The following THUMPD1 variants were observed in gnomAD, a reference collection of about 807,000 sequenced individuals.
THUMPD1 encodes THUMP domain 1 NAT10 acetyltransferase adaptor.
A neutral mutation model predicts 31.6 loss-of-function variants in THUMPD1; 31 were observed. The ratio of observed to expected loss-of-function variants is 0.98; its 90% CI spans 0.74 to 1.32. THUMPD1 has a LOEUF of 1.32. THUMPD1 is among the 40% of genes most tolerant of loss of function. THUMPD1 has a pLI of 0.00. For missense variants in THUMPD1, 446 were observed against 427.8 expected, an observed-to-expected ratio of 1.04 and a Z score of -0.38; for synonymous variants, 166 against 158.2, an observed-to-expected ratio of 1.05 and a Z score of -0.37.
chr16:20,736,710 T>C lies in THUMPD1; in HGVS notation c.*170A>G, dbSNP rs1185985955. Reference sequence around the variant, plus strand: ...ACGTAATACCATAAAGGCTGAAAGATCCCTAAAAAAACTGTTAACAGGGCT... The same window carrying C: ...ACGTAATACCATAAAGGCTGAAAGACCCCTAAAAAAACTGTTAACAGGGCT... On this transcript the variant is annotated 3_prime_UTR_variant, in exon 4 of 4. Transcript: ENST00000396083. 4.5e-6 allele frequency: 3 copies of C among 662,248 alleles called. No homozygotes were observed. The highest frequency in any genetic ancestry group is 5.9e-5 in the Admixed American group (2 of 33,878). The allele number at this position is 662,248 out of a possible 1,614,324, so 41.0% of individuals were successfully genotyped here. A position where few individuals can be genotyped will look rare whatever the true frequency, so the allele number is the denominator to read the frequency against.
rs375614636 is a variant in THUMPD1, at chr16:20,736,944, G to T, written c.998C>A (p.Ala333Asp). The T allele has an allele frequency of 1.9e-6, 3 of 1,613,932 alleles. No homozygotes were observed. The African/African-American group carries it at 4.0e-5, about 22-fold the overall frequency. Residue 333 changes from alanine (A) to aspartate (D), a missense_variant, in exon 4 of 4, where the codon GCC becomes GAC. Physicochemically the swap from Ala to Asp is moderately radical, Grantham distance 126 (BLOSUM62 -2). Coordinates refer to ENST00000396083, the MANE Select transcript of THUMPD1 (RefSeq NM_017736.5). ...GGCTTGACTTGCAAGTTCAGGTTTG[G>T]CTCCTCCCTCATTTACCACCTGTGG... ...SNPQVVNEGG[A>D]KPELASQATE...
rs573256645 is a variant in THUMPD1 at position 20,733,683 on chromosome 16, TTTTGA to T, written c.*3192_*3196del. 2.9e-3 allele frequency: 434 copies of T among 152,160 alleles called. No individual in the cohort carries two copies. Among genetic ancestry groups the T allele is most frequent in the African/African-American group, 9.8e-3 (409 of 41,552 alleles). 9.4% of individuals were successfully genotyped at this position (152,160 alleles called of 1,614,324 possible). ...CACCAATTTTTAGGGAACAAATTTA[TTTTGA>T]TTTTTCTGAAAATATCAGGAACTAT... On this transcript the variant is annotated 3_prime_UTR_variant, in exon 4 of 4. Transcript: ENST00000396083.
At position 20,734,837 on chromosome 16, in the gene THUMPD1, C is replaced by CA. The variant is rs1194379291; in HGVS notation, c.*2042dup. On this transcript the variant is annotated 3_prime_UTR_variant, in exon 4 of 4. Coordinates refer to ENST00000396083, the MANE Select transcript of THUMPD1 (RefSeq NM_017736.5). ...TTATTTCACAGAAATCTAGGACTGT[C>CA]AGACTAGGGCTGAGTTCATTCTCTT... 8 of 152,222 alleles carry CA rather than the reference C, an allele frequency of 5.3e-5. No homozygotes were observed. The highest frequency in any genetic ancestry group is 1.7e-4 in the African/African-American group (7 of 41,446). 9.4% of individuals were successfully genotyped at this position (152,222 alleles called of 1,614,324 possible).
At position 20,736,773 on chromosome 16, in the gene THUMPD1, G is replaced by T. The variant is rs2079873219; in HGVS notation, c.*107C>A. The T allele has an allele frequency of 9.1e-7, 1 of 1,102,780 alleles. No individual in the cohort carries two copies. Among genetic ancestry groups the T allele is most frequent in the Non-Finnish European group, 1.3e-6 (1 of 767,254 alleles). 68.3% of individuals were successfully genotyped at this position (1,102,780 alleles called of 1,614,324 possible). The stretch of plus-strand genomic sequence containing the variant: ...CTCACTACTGTGAGAACAGCATAAT[G>T]CAGCACACAAATAAAAAACTGTTTT... On this transcript the variant is annotated 3_prime_UTR_variant, in exon 4 of 4. Coordinates refer to ENST00000396083, the MANE Select transcript of THUMPD1 (RefSeq NM_017736.5).
chr16:20,738,703 A>C (rs552914613), intron 2 of THUMPD1, 194 bp downstream of exon 2: 1 of 602,710 alleles, frequency 1.7e-6, no homozygotes, highest in East Asian at 2.8e-5. Flanking sequence ...CCAGGTTTCC[A>C]CTCATAAGCC....
At position 20,735,675 on chromosome 16, in the gene THUMPD1, GAA is replaced by G. The variant is rs1042235356; in HGVS notation, c.*1203_*1204del. The G allele has an allele frequency of 6.6e-6, 1 of 151,984 alleles. No individual in the cohort carries two copies. The highest frequency in any genetic ancestry group is 1.5e-5 in the Non-Finnish European group (1 of 68,008). 9.4% of individuals were successfully genotyped at this position (151,984 alleles called of 1,614,324 possible). On this transcript the variant is annotated 3_prime_UTR_variant, in exon 4 of 4. Transcript: ENST00000396083. The stretch of plus-strand genomic sequence containing the variant: ...TTGTTCTGGCAGGCTCCTAGCAATA[GAA>G]AAAGTTTTCTTTGAATTTCATCATT...
chr16:20,737,827 T>C lies in THUMPD1; in HGVS notation c.536A>G (p.Tyr179Cys), dbSNP rs1243741884. 1.9e-6 allele frequency: 3 copies of C among 1,613,984 alleles called. No homozygotes were observed. The South Asian group carries it at 3.3e-5, about 18-fold the overall frequency. ...CKAFLEDMKK[Y>C]AETFLEPWFK... is the part of the protein sequence containing the mutation. ...CCAGGGTTCCAAAAATGTTTCTGCA[T>C]ATTTTTTCATATCTTCTAAAAAAGC... The change falls in exon 3 of 4, where the codon TAT becomes TGT. Residue 179 changes from tyrosine to cysteine, a missense_variant. Tyr to Cys is a radical substitution (Grantham distance 194, BLOSUM62 -2). Transcript: ENST00000396083.
intron 3 of THUMPD1, 141 bp from the exon 4 acceptor site, chr16:20,737,427 C>A (rs1035098411): frequency 4.4e-6 from 4 of 899,968 alleles, no homozygotes; most frequent in Non-Finnish European, 6.3e-6. Flanking sequence ...ATAATCTGAA[C>A]CCTTACAATA....
chr16:20,741,479 C>CCGGGGGG, intron 1 of THUMPD1, 30 bp downstream of exon 1: 4 of 1,329,522 alleles, frequency 3.0e-6, no homozygotes, highest in Non-Finnish European at 2.0e-6. Flanking sequence ...GCCTGGCAGC[C>CCGGGGGG]GGCCCGCCCG....
At chr16:20,741,400 A>T in intron 1 of THUMPD1, 109 bp downstream of exon 1, 1 of 1,358,648 alleles carries the variant, frequency 7.4e-7, no homozygotes, top group Non-Finnish European at 9.8e-7. Context: ...TACAGCCGTC[A>T]CGCCGACGAC....
rs144724334 is a variant in THUMPD1 at position 20,740,515 on chromosome 16, T to A, written c.231+994A>T. Among the ~76,000 whole-genome samples, 794 of 152,348 alleles carry A rather than the reference T, an allele frequency of 5.2e-3. 6 individuals are homozygous for A. Among genetic ancestry groups the A allele is most frequent in the African/African-American group, 0.018 (742 of 41,576 alleles). On this transcript the variant is annotated intron_variant, in intron 1 of 3. Transcript: ENST00000396083. ...TCAGGCACAATAATAATTGTATACA[T>A]TTACAGAAACTTTATTACATACCAG...
intron 3 of THUMPD1, 99 bp downstream of exon 3, chr16:20,737,609 C>T: frequency 8.1e-7 from 1 of 1,238,166 alleles, no homozygotes; most frequent in Non-Finnish European, 1.1e-6. Flanking sequence ...TTGTTCTACA[C>T]TCAAAAATGT....
At chr16:20,738,483 T>C (rs772897659) in intron 2 of THUMPD1, among the ~76,000 whole-genome samples, 4 of 152,068 alleles carry the variant, frequency 2.6e-5, no homozygotes, top group Non-Finnish European at 5.9e-5. Context: ...ACAAGTATAT[T>C]TGGGGCTGCT....
At position 20,738,884 on chromosome 16, in the gene THUMPD1, G is replaced by GT; in HGVS notation, c.406+12dup. On this transcript the variant is annotated intron_variant, in intron 2 of 3. Coordinates refer to ENST00000396083, the MANE Select transcript of THUMPD1 (RefSeq NM_017736.5). The stretch of plus-strand genomic sequence containing the variant: ...GTTATGAGATCGATAATCTTAGCAA[G>GT]TATTTGTCACACCTATCCCAAGTGT... 1 of 1,613,216 alleles carries GT rather than the reference G, an allele frequency of 6.2e-7. No individual in the cohort carries two copies. The highest frequency in any genetic ancestry group is 8.5e-7 in the Non-Finnish European group (1 of 1,179,316).
Position 20,741,571 on chromosome 16 carries a change from A to T in THUMPD1, c.169T>A (p.Cys57Ser). The change falls in exon 1 of 4, where the codon TGC becomes AGC. Residue 57 changes from cysteine to serine, a missense_variant. By Grantham distance (112) the Cys-to-Ser change is moderately radical. Transcript: ENST00000396083. ...LITCNMNERK[C>S]VEEAYSLLNE... Reference sequence around the variant, plus strand: ...AGGAGGCTGTAGGCCTCCTCCACGCACTTGCGCTCGTTCATATTGCAGGTG... The same window carrying T: ...AGGAGGCTGTAGGCCTCCTCCACGCTCTTGCGCTCGTTCATATTGCAGGTG... 1 of 1,495,734 alleles carries T rather than the reference A, an allele frequency of 6.7e-7. No homozygotes were observed. The highest frequency in any genetic ancestry group is 9.0e-7 in the Non-Finnish European group (1 of 1,116,388). The allele number at this position is 1,495,734 out of a possible 1,614,324, so 92.7% of individuals were successfully genotyped here.
At chr16:20,741,479 C>CGGGGGGGGGGGGGGGGGGGG in intron 1 of THUMPD1, 30 bp downstream of exon 1, 3 of 1,329,524 alleles carry the variant, frequency 2.3e-6, no homozygotes, top group East Asian at 3.1e-5. Flanking sequence ...GCCTGGCAGC[C>CGGGGGGGGGGGGGGGGGGGG]GGCCCGCCCG....
At position 20,736,542 on chromosome 16, in the gene THUMPD1, A is replaced by G. The variant is rs1332261854; in HGVS notation, c.*338T>C. On this transcript the variant is annotated 3_prime_UTR_variant, in exon 4 of 4. Coordinates refer to ENST00000396083, the MANE Select transcript of THUMPD1 (RefSeq NM_017736.5). ...GGCATGTAAAAACTCCTTCCTTAGA[A>G]TGAAAACTTCCCTCTGATTTTCTAC... 1.8e-5 allele frequency: 4 copies of G among 225,984 alleles called. No homozygotes were observed. 14.0% of individuals were successfully genotyped at this position (225,984 alleles called of 1,614,324 possible).
chr16:20,737,743 T>C lies in THUMPD1; in HGVS notation c.620A>G (p.His207Arg). Residue 207 changes from histidine (H) to arginine (R), a missense_variant, in exon 3 of 4, where the codon CAT becomes CGT. Coordinates refer to ENST00000396083, the MANE Select transcript of THUMPD1 (RefSeq NM_017736.5). Reference protein sequence around the residue: ...QIVYKSRNNSHVNREEVIREL... With the variant: ...QIVYKSRNNSRVNREEVIREL... ...TCTGATAACTTCTTCTCTATTCACATGACTGTTATTTCGAGATTTGTACAC... is the reference window on the plus strand; with the variant it reads ...TCTGATAACTTCTTCTCTATTCACACGACTGTTATTTCGAGATTTGTACAC... 1 of 1,613,686 alleles carries C rather than the reference T, an allele frequency of 6.2e-7. No individual in the cohort carries two copies. The highest frequency in any genetic ancestry group is 8.5e-7 in the Non-Finnish European group (1 of 1,179,826).
Position 20,736,862 on chromosome 16 carries a change from C to G in THUMPD1, c.*18G>C. ...AGAGCCCCAGGTGAGAAACCCACCTCCAACACCAAATGACTTCCTATGAGA... is the reference window on the plus strand; with the variant it reads ...AGAGCCCCAGGTGAGAAACCCACCTGCAACACCAAATGACTTCCTATGAGA... On this transcript the variant is annotated 3_prime_UTR_variant, in exon 4 of 4. Coordinates refer to ENST00000396083, the MANE Select transcript of THUMPD1 (RefSeq NM_017736.5). The G allele has an allele frequency of 6.2e-7, 1 of 1,609,508 alleles. No homozygotes were observed. The highest frequency in any genetic ancestry group is 8.5e-7 in the Non-Finnish European group (1 of 1,176,910).
Sources: gnomAD v4.1 joint callset for allele counts (sites outside exome capture counted in the v4.1 genomes callset) on GRCh38, gnomAD v4.1.1 for gene constraint, MANE v1.5 for transcripts, NCBI Gene and HGNC (gene_info 2026-07-23, HGNC 2026-07-21) for gene names.